Variants in MRRF observed in about 807,000 individuals in gnomAD.
The protein encoded by MRRF is mitochondrial ribosome recycling factor, also known as ribosome-recycling factor, mitochondrial.
In MRRF, 18 loss-of-function variants were observed where a neutral mutation model predicts 25.1. That is an observed-to-expected ratio of 0.72 (90% CI 0.50 to 1.06). MRRF has a LOEUF of 1.06. Ranked by LOEUF, MRRF falls within the 50% of genes least tolerant of loss-of-function variation. The pLI is 0.00. For missense variants in MRRF, 323 were observed against 319.3 expected (o/e 1.01, Z -0.09); for synonymous variants, 113 against 112.1 (o/e 1.01, Z -0.05).
intron 6 of MRRF, among the ~76,000 whole-genome samples, chr9:122,314,519 A>C (rs1835396752): frequency 6.6e-6 from 1 of 152,188 alleles, no homozygotes; most frequent in South Asian, 2.1e-4. Flanking sequence ...TACCTTAATC[A>C]CTTGGGTAGC....
intron 2 of MRRF, among the ~76,000 whole-genome samples, chr9:122,274,361 A>T (rs73555222): frequency 0.017 from 2,647 of 152,310 alleles, 77 homozygotes; most frequent in African/African-American, 0.055. Flanking sequence ...TAATTTATAA[A>T]GGAAAAAGAT....
At chr9:122,301,003 A>G (rs776864366) in intron 5 of MRRF, among the ~76,000 whole-genome samples, 1 of 152,144 alleles carries the variant, frequency 6.6e-6, no homozygotes, top group Non-Finnish European at 1.5e-5. Context: ...ACCGCTTCCT[A>G]AAGCTTCAAG....
chr9:122,299,688 G>A (rs1834322700), intron 5 of MRRF, among the ~76,000 whole-genome samples: 1 of 152,172 alleles, frequency 6.6e-6, no homozygotes. Flanking sequence ...AACCAGCAAA[G>A]AAGACTGAGA....
intron 1 of MRRF, among the ~76,000 whole-genome samples, chr9:122,267,084 A>T (rs1029872692): frequency 4.7e-5 from 7 of 148,924 alleles, no homozygotes; most frequent in African/African-American, 1.7e-4. Context: ...AAAAAAAAAA[A>T]GAAAAAAAAT....
rs766936175 is a variant in MRRF at position 122,322,693 on chromosome 9, C to A, written c.*76C>A. On this transcript the variant is annotated 3_prime_UTR_variant, in exon 7 of 7. Transcript: ENST00000344641. The stretch of plus-strand genomic sequence containing the variant: ...ATGGGTGGCACATTGGGACTTCTCT[C>A]CCTCCCCCATCTACACAGAAGACTG... 4.6e-6 allele frequency: 6 copies of A among 1,294,156 alleles called. No homozygotes were observed. The African/African-American group carries it at 5.9e-5, about 13-fold the overall frequency. 80.2% of individuals were successfully genotyped at this position (1,294,156 alleles called of 1,614,324 possible). A position where few individuals can be genotyped will look rare whatever the true frequency, so the allele number is the denominator to read the frequency against.
Position 122,322,727 on chromosome 9 carries a change from C to G in MRRF, c.*110C>G. On this transcript the variant is annotated 3_prime_UTR_variant, in exon 7 of 7. Transcript: ENST00000344641. ...ATCTACACAGAAGACTGTCACCATG[C>G]TGACAGAAGCCTGTCCTTGTAAGGC... 1.1e-6 allele frequency: 1 copy of G among 949,518 alleles called. No individual in the cohort carries two copies. 58.8% of individuals were successfully genotyped at this position (949,518 alleles called of 1,614,324 possible). A position where few individuals can be genotyped will look rare whatever the true frequency, so the allele number is the denominator to read the frequency against.
intron 1 of MRRF, among the ~76,000 whole-genome samples, chr9:122,267,733 G>A (rs2119011782): frequency 6.6e-6 from 1 of 152,368 alleles, no homozygotes; most frequent in South Asian, 2.1e-4. Flanking sequence ...AATAATCATA[G>A]TACTTACTTC....
Position 122,327,812 on chromosome 9 carries a change from AT to A in MRRF, c.*5198del, listed in dbSNP as rs1429610740. 2 of 147,630 alleles carry A rather than the reference AT, an allele frequency of 1.4e-5. No individual in the cohort carries two copies. The highest frequency in any genetic ancestry group is 4.9e-5 in the African/African-American group (2 of 40,416). The allele number at this position is 147,630 out of a possible 1,614,324, so 9.1% of individuals were successfully genotyped here. The stretch of plus-strand genomic sequence containing the variant: ...CAGCTCTTGCTTGCTTTTTGTTTAC[AT>A]TTGCTTTCCCCATTTCTTGATTTTT... On this transcript the variant is annotated 3_prime_UTR_variant, in exon 7 of 7. Transcript: ENST00000344641.
Position 122,272,792 on chromosome 9 carries a change from G to A in MRRF, c.184+1717G>A, listed in dbSNP as rs375691182. Reference sequence around the variant, plus strand: ...ATTGTGTCTTCTTTAAGAAATACCCGTCTATTGCAAGGTAATTTATTTCTG... The same window carrying A: ...ATTGTGTCTTCTTTAAGAAATACCCATCTATTGCAAGGTAATTTATTTCTG... On this transcript the variant is annotated intron_variant, in intron 2 of 6. Transcript: ENST00000344641. Among the ~76,000 whole-genome samples, 23 of 152,090 alleles carry A rather than the reference G, an allele frequency of 1.5e-4. 1 individual carries two copies. Among genetic ancestry groups the A allele is most frequent in the African/African-American group, 4.1e-4 (17 of 41,500 alleles).
chr9:122,278,580 A>G (rs1010715235), intron 2 of MRRF, among the ~76,000 whole-genome samples: 1 of 152,150 alleles, frequency 6.6e-6, no homozygotes, highest in African/African-American at 2.4e-5. Flanking sequence ...TCATGGTTGC[A>G]TAGTATTTCA....
chr9:122,272,191 C>A (rs1056100175), intron 2 of MRRF, among the ~76,000 whole-genome samples: 1 of 152,090 alleles, frequency 6.6e-6, no homozygotes, highest in Non-Finnish European at 1.5e-5. Flanking sequence ...AACGAAGAAA[C>A]TGAGATAGTT....
chr9:122,272,987 A>G (rs112681766), intron 2 of MRRF, among the ~76,000 whole-genome samples: 1 of 152,082 alleles, frequency 6.6e-6, no homozygotes, highest in Admixed American at 6.6e-5. Context: ...ATTTTATTGA[A>G]CTGCTTATCT....
intron 5 of MRRF, among the ~76,000 whole-genome samples, chr9:122,305,199 T>C (rs1479307744): frequency 6.6e-6 from 1 of 151,862 alleles, no homozygotes; most frequent in Non-Finnish European, 1.5e-5. Flanking sequence ...TCACCAGAGG[T>C]CAGGAGTTCG....
intron 4 of MRRF, among the ~76,000 whole-genome samples, chr9:122,287,126 A>T (rs1340355757): frequency 6.6e-6 from 1 of 152,220 alleles, no homozygotes; most frequent in Non-Finnish European, 1.5e-5. Flanking sequence ...AATCTAAATT[A>T]TTCTTCCACA....
At chr9:122,265,756 A>G in intron 1 of MRRF, 1 of 1,289,014 alleles carries the variant, frequency 7.8e-7, no homozygotes, top group Non-Finnish European at 1.0e-6. Flanking sequence ...ATGAATCTAA[A>G]TGGCAGATGG....
At chr9:122,293,956 C>T (rs1250907674) in intron 5 of MRRF, among the ~76,000 whole-genome samples, 1 of 152,160 alleles carries the variant, frequency 6.6e-6, no homozygotes, top group Admixed American at 6.5e-5. Context: ...TTTTCTGTTA[C>T]CTTTCTCCTG....
chr9:122,301,194 G>A (rs1306507005), intron 5 of MRRF, among the ~76,000 whole-genome samples: 1 of 152,160 alleles, frequency 6.6e-6, no homozygotes, highest in East Asian at 1.9e-4. Flanking sequence ...TAGTTCCTCA[G>A]CCTAAATTCT....
chr9:122,316,367 G>A (rs1347017891), intron 6 of MRRF, among the ~76,000 whole-genome samples: 1 of 151,920 alleles, frequency 6.6e-6, no homozygotes, highest in Non-Finnish European at 1.5e-5. Context: ...GTAGAGATGA[G>A]GTTTCACCAT....
intron 5 of MRRF, among the ~76,000 whole-genome samples, chr9:122,298,054 A>T (rs1167934462): frequency 1.3e-5 from 2 of 152,230 alleles, no homozygotes; most frequent in South Asian, 2.1e-4. Flanking sequence ...AGTCAGCCCG[A>T]GTTGTTAGGT....
Sources: allele counts gnomAD v4.1 joint callset (sites outside exome capture counted in the v4.1 genomes callset), GRCh38; gene constraint gnomAD v4.1.1; transcripts MANE v1.5; gene names NCBI Gene and HGNC (gene_info 2026-07-23, HGNC 2026-07-21).